CLMP: variants seen among roughly 807,000 people sequenced by gnomAD.
CLMP encodes the protein CXADR like cell adhesion molecule.
CLMP carries 27 observed loss-of-function variants against 45.2 expected under a neutral mutation model. The observed-to-expected ratio is 0.60, with a 90% CI of 0.44 to 0.82. CLMP has a LOEUF of 0.82. CLMP is among the 40% of genes least tolerant of loss of function. The pLI, the probability that CLMP is intolerant of heterozygous loss-of-function variation, is 0.00. For synonymous variants in CLMP, 167 were observed against 171.4 expected (o/e 0.97, Z 0.20); for missense variants, 403 against 448.4 (o/e 0.90, Z 0.91).
intron 1 of CLMP, among the ~76,000 whole-genome samples, chr11:123,167,581 C>G (rs916126030): frequency 2.0e-5 from 3 of 151,826 alleles, no homozygotes; most frequent in Non-Finnish European, 4.4e-5. Flanking sequence ...CACCACGCCC[C>G]GCCGAAAGAC....
At chr11:123,183,270 G>A (rs1396671740) in intron 1 of CLMP, among the ~76,000 whole-genome samples, 1 of 152,022 alleles carries the variant, frequency 6.6e-6, no homozygotes, top group Non-Finnish European at 1.5e-5. Flanking sequence ...TTGCTCTGTT[G>A]CCCAGGCTAG....
intron 2 of CLMP, among the ~76,000 whole-genome samples, chr11:123,087,230 G>A (rs1393583478): frequency 2.6e-5 from 4 of 152,228 alleles, no homozygotes; most frequent in African/African-American, 7.2e-5. Context: ...CCAGCTACTC[G>A]GGAGGCTGAG....
chr11:123,171,116 G>C (rs1861627001), intron 1 of CLMP, among the ~76,000 whole-genome samples: 1 of 152,154 alleles, frequency 6.6e-6, no homozygotes, highest in Non-Finnish European at 1.5e-5. Context: ...TCTGAGCTTG[G>C]CCTTAAATGC....
At chr11:123,150,532 GAAACAA>G (rs1368143909) in intron 1 of CLMP, among the ~76,000 whole-genome samples, 38 of 111,188 alleles carry the variant, frequency 3.4e-4, no homozygotes, top group Middle Eastern at 5.6e-3. Flanking sequence ...AGGAAGGAAA[GAAACAA>G]GCAAGGAAGG....
intron 1 of CLMP, among the ~76,000 whole-genome samples, chr11:123,124,883 T>G (rs886761716): frequency 6.6e-6 from 1 of 151,880 alleles, no homozygotes; most frequent in African/African-American, 2.4e-5. Context: ...ACATATGGAG[T>G]GGAATACAAA....
chr11:123,147,959 T>C (rs1056327004), intron 1 of CLMP, among the ~76,000 whole-genome samples: 5 of 152,098 alleles, frequency 3.3e-5, no homozygotes, highest in African/African-American at 1.2e-4. Flanking sequence ...ATGATAGGCA[T>C]GAGCCACCGT....
At chr11:123,084,447 A>G in intron 3 of CLMP, 65 bp downstream of exon 3, 3 of 1,341,276 alleles carry the variant, frequency 2.2e-6, no homozygotes, top group Non-Finnish European at 2.1e-6. Context: ...CGTGATGCAT[A>G]TGGCTATCCC....
intron 1 of CLMP, among the ~76,000 whole-genome samples, chr11:123,129,683 T>C (rs951391376): frequency 5.6e-5 from 8 of 142,578 alleles, no homozygotes; most frequent in Admixed American, 3.8e-4. Context: ...ATAAATATTA[T>C]ATTTATATAA....
chr11:123,111,294 C>T (rs145086763), intron 1 of CLMP, among the ~76,000 whole-genome samples: 134 of 152,138 alleles, frequency 8.8e-4, no homozygotes, highest in African/African-American at 3.1e-3. Context: ...CCACACCCAG[C>T]TCATTTTTGT....
intron 5 of CLMP, 48 bp from the exon 6 acceptor site, chr11:123,074,891 G>A (rs1865718249): frequency 6.3e-7 from 1 of 1,588,874 alleles, no homozygotes; most frequent in Admixed American, 1.8e-5. Context: ...CGTAAGCTAG[G>A]AAATATGTTA....
chr11:123,142,776 G>A (rs956106524), intron 1 of CLMP, among the ~76,000 whole-genome samples: 2 of 141,018 alleles, frequency 1.4e-5, no homozygotes, highest in African/African-American at 5.7e-5. Flanking sequence ...ACAGGCGCCC[G>A]CCACTGCGCC....
chr11:123,131,881 G>A, intron 1 of CLMP, among the ~76,000 whole-genome samples: 1 of 152,116 alleles, frequency 6.6e-6, no homozygotes, highest in East Asian at 1.9e-4. Context: ...CTCCCAAAGT[G>A]CTGGGATTAC....
intron 1 of CLMP, among the ~76,000 whole-genome samples, chr11:123,154,742 A>G (rs976911204): frequency 7.2e-5 from 11 of 152,142 alleles, no homozygotes; most frequent in Non-Finnish European, 1.6e-4. Flanking sequence ...TAAAATAATA[A>G]CTGCTTTACT....
At chr11:123,117,685 C>T (rs551877191) in intron 1 of CLMP, among the ~76,000 whole-genome samples, 110 of 152,286 alleles carry the variant, frequency 7.2e-4, no homozygotes, top group African/African-American at 2.6e-3. Flanking sequence ...CCTTGGCCTC[C>T]CAAAGCACTG....
chr11:123,095,721 C>G (rs778769235), intron 2 of CLMP, among the ~76,000 whole-genome samples: 21 of 152,098 alleles, frequency 1.4e-4, no homozygotes, highest in Admixed American at 4.6e-4. Context: ...CATGAAATTA[C>G]TAAGAGGGAA....
chr11:123,150,605 TGAAG>T (rs10570651), intron 1 of CLMP, among the ~76,000 whole-genome samples: 13,581 of 70,840 alleles, frequency 0.19, 921 homozygotes, highest in East Asian at 0.34. Flanking sequence ...AAGGAAGGAA[TGAAG>T]GAAGGAAGGA....
intron 1 of CLMP, among the ~76,000 whole-genome samples, chr11:123,118,999 T>A (rs12803323): frequency 7.1e-5 from 1 of 14,130 alleles, no homozygotes; most frequent in African/African-American, 3.1e-4. Context: ...CTTTCTTTCT[T>A]TCTCTCTCTC....
At chr11:123,128,482 C>G (rs549632009) in intron 1 of CLMP, among the ~76,000 whole-genome samples, 1 of 151,882 alleles carries the variant, frequency 6.6e-6, no homozygotes, top group East Asian at 1.9e-4. Flanking sequence ...AGCAACATAG[C>G]GAGATCTTGC....
intron 1 of CLMP, among the ~76,000 whole-genome samples, chr11:123,183,776 C>T (rs1372773700): frequency 6.6e-6 from 1 of 152,136 alleles, no homozygotes; most frequent in Non-Finnish European, 1.5e-5. Context: ...TGACTGCCCA[C>T]CCGATGTGCT....
Sources: gnomAD v4.1 joint callset for allele counts (sites outside exome capture counted in the v4.1 genomes callset) on GRCh38, gnomAD v4.1.1 for gene constraint, MANE v1.5 for transcripts, NCBI Gene and HGNC (gene_info 2026-07-23, HGNC 2026-07-21) for gene names.